GAREM1: variants seen among roughly 807,000 people sequenced by gnomAD.
GAREM1 encodes the protein GRB2-associated and regulator of MAPK protein 1.
Under a neutral mutation model 71.3 loss-of-function variants are expected in GAREM1, and 26 were observed. The ratio of observed to expected loss-of-function variants is 0.36; its 90% CI spans 0.27 to 0.51. The LOEUF (loss-of-function observed/expected upper bound fraction) is 0.51. Ranked by LOEUF, GAREM1 falls within the 20% of genes least tolerant of loss-of-function variation. The pLI, the probability that GAREM1 is intolerant of heterozygous loss-of-function variation, is 0.95. For synonymous variants in GAREM1, 440 were observed against 433.2 expected, an observed-to-expected ratio of 1.02 and a Z score of -0.20; for missense variants, 1,026 against 1,103.1, an observed-to-expected ratio of 0.93 and a Z score of 0.99.
intron 2 of GAREM1, among the ~76,000 whole-genome samples, chr18:32,355,928 G>C (rs1031344696): frequency 1.3e-5 from 2 of 152,182 alleles, no homozygotes; most frequent in African/African-American, 4.8e-5. Context: ...TTATCTACAA[G>C]TGTTCTTGGT....
chr18:32,399,678 C>A (rs1009202383), intron 1 of GAREM1, among the ~76,000 whole-genome samples: 1 of 152,082 alleles, frequency 6.6e-6, no homozygotes, highest in Non-Finnish European at 1.5e-5. Context: ...AAACAGGACA[C>A]GAACAAATGG....
rs777567744 is a variant in GAREM1, at chr18:32,470,363, C to T, written c.66G>A (p.Pro22=). The change falls in exon 1 of 6, where the codon CCG becomes CCA. Residue 22 remains proline (P), a synonymous_variant. Coordinates refer to ENST00000269209, the MANE Select transcript of GAREM1 (RefSeq NM_001242409.2). The surrounding 1 kb of genome is among the most constrained non-coding windows in gnomAD (Gnocchi z 4.4). The part of the protein sequence containing the change: ...KDVKWSSVAV[P]LDLLVSTYRL... The stretch of plus-strand genomic sequence containing the variant: ...GGTAAGTGCTGACCAGGAGGTCGAG[C>T]GGCACGGCCACCGAGCTCCACTTCA... The T allele has an allele frequency of 8.9e-6, 14 of 1,566,182 alleles. No homozygotes were observed. Among genetic ancestry groups the T allele is most frequent in the African/African-American group, 1.4e-5 (1 of 71,010 alleles).
At chr18:32,318,426 C>T (rs1476463335) in intron 2 of GAREM1, among the ~76,000 whole-genome samples, 1 of 152,198 alleles carries the variant, frequency 6.6e-6, no homozygotes, top group South Asian at 2.1e-4. Flanking sequence ...AAACTTCACT[C>T]TCCTTTACTT....
chr18:32,291,552 T>C (rs1415035234), intron 3 of GAREM1, among the ~76,000 whole-genome samples: 7 of 152,142 alleles, frequency 4.6e-5, no homozygotes, highest in African/African-American at 1.2e-4. Context: ...TTCAGGTTTA[T>C]TACGTAGGTA....
chr18:32,467,224 A>G (rs562455811), intron 1 of GAREM1, among the ~76,000 whole-genome samples: 1 of 152,168 alleles, frequency 6.6e-6, no homozygotes, highest in South Asian at 2.1e-4. Context: ...CTCCTTTGGC[A>G]AGCAGAAAGT....
At chr18:32,375,505 T>C (rs1470545413) in intron 2 of GAREM1, among the ~76,000 whole-genome samples, 2 of 152,192 alleles carry the variant, frequency 1.3e-5, no homozygotes, top group Non-Finnish European at 1.5e-5. Context: ...TTGGCTGTCA[T>C]GAGATTAGTG....
At chr18:32,407,634 A>G (rs1488847715) in intron 1 of GAREM1, among the ~76,000 whole-genome samples, 1 of 152,182 alleles carries the variant, frequency 6.6e-6, no homozygotes, top group Non-Finnish European at 1.5e-5. Flanking sequence ...ATCTAGCTTT[A>G]AAGAGTATGT....
intron 2 of GAREM1, among the ~76,000 whole-genome samples, chr18:32,331,172 A>G (rs2047531796): frequency 6.6e-6 from 1 of 152,128 alleles, no homozygotes; most frequent in African/African-American, 2.4e-5. Flanking sequence ...TTTCAAAAAC[A>G]TTTCTCCCTC....
At chr18:32,392,817 C>G in intron 2 of GAREM1, 78 bp downstream of exon 2, 1 of 1,482,850 alleles carries the variant, frequency 6.7e-7, no homozygotes, top group Admixed American at 1.8e-5. Context: ...AGTTTACAGA[C>G]AATTCTTAGA....
chr18:32,456,280 A>G (rs957958914), intron 1 of GAREM1, among the ~76,000 whole-genome samples: 5 of 152,286 alleles, frequency 3.3e-5, no homozygotes, highest in African/African-American at 4.8e-5. Context: ...AAACCAACAG[A>G]AAGTATGATT....
chr18:32,391,007 T>A (rs1019871896), intron 2 of GAREM1, among the ~76,000 whole-genome samples: 6 of 152,158 alleles, frequency 3.9e-5, no homozygotes, highest in African/African-American at 1.4e-4. Flanking sequence ...CTTCAGGTGT[T>A]TTTTAGAATT....
rs937758546 is a variant in GAREM1 at position 32,266,320 on chromosome 18, T to C, written c.*1551A>G. The C allele has an allele frequency of 6.6e-6, 1 of 152,088 alleles. No individual in the cohort carries two copies. Among genetic ancestry groups the C allele is most frequent in the Non-Finnish European group, 1.5e-5 (1 of 68,020 alleles). 9.4% of individuals were successfully genotyped at this position (152,088 alleles called of 1,614,324 possible). ...TTTTTATTTTGGTAGCAGGAAGAGA[T>C]GGTAAGATATAAGTCCATCCTGCAA... On this transcript the variant is annotated 3_prime_UTR_variant, in exon 6 of 6. Coordinates refer to ENST00000269209, the MANE Select transcript of GAREM1 (RefSeq NM_001242409.2).
chr18:32,381,067 C>G (rs1191580549), intron 2 of GAREM1, among the ~76,000 whole-genome samples: 1 of 151,764 alleles, frequency 6.6e-6, no homozygotes, highest in Non-Finnish European at 1.5e-5. Context: ...ATACGTAAAA[C>G]TATCAAATCT....
chr18:32,443,787 G>A (rs1286483195), intron 1 of GAREM1, among the ~76,000 whole-genome samples: 1 of 152,094 alleles, frequency 6.6e-6, no homozygotes, highest in East Asian at 1.9e-4. Context: ...CAACAGAAAT[G>A]AAAACAAATG....
At chr18:32,426,163 C>T (rs1011561871) in intron 1 of GAREM1, among the ~76,000 whole-genome samples, 12 of 152,036 alleles carry the variant, frequency 7.9e-5, no homozygotes, top group Admixed American at 5.9e-4. Flanking sequence ...GGATTACAAG[C>T]ACACGCCACC....
chr18:32,400,948 G>C (rs780450305), intron 1 of GAREM1, among the ~76,000 whole-genome samples: 56 of 152,198 alleles, frequency 3.7e-4, no homozygotes, highest in Middle Eastern at 3.4e-3. Context: ...TGATAGACAG[G>C]ATTAAGAAAA....
chr18:32,442,724 C>G (rs577000722), intron 1 of GAREM1, among the ~76,000 whole-genome samples: 3 of 152,242 alleles, frequency 2.0e-5, no homozygotes, highest in African/African-American at 7.2e-5. Flanking sequence ...TACTCAGTAG[C>G]TTTGTTCATT....
intron 1 of GAREM1, among the ~76,000 whole-genome samples, chr18:32,469,607 G>A (rs1274174546): frequency 6.6e-6 from 1 of 152,174 alleles, no homozygotes; most frequent in Non-Finnish European, 1.5e-5. Flanking sequence ...GTTTCTGGTG[G>A]TCAGTTTCAG....
At chr18:32,361,118 G>A (rs939995170) in intron 2 of GAREM1, among the ~76,000 whole-genome samples, 1 of 152,196 alleles carries the variant, frequency 6.6e-6, no homozygotes, top group African/African-American at 2.4e-5. Context: ...TAGGCAGGTA[G>A]GTGGTTTTTC....
Sources: allele counts gnomAD v4.1 joint callset (sites outside exome capture counted in the v4.1 genomes callset), GRCh38; gene constraint gnomAD v4.1.1; non-coding constraint Gnocchi (gnomAD v3.1); transcripts MANE v1.5; gene names NCBI Gene and HGNC (gene_info 2026-07-23, HGNC 2026-07-21).